Variants in EPB41L4A observed in about 807,000 individuals in gnomAD.
EPB41L4A encodes band 4.1-like protein 4A.
Under a neutral mutation model 108.6 loss-of-function variants are expected in EPB41L4A, and 100 were observed. The observed-to-expected ratio is 0.92, with a 90% confidence interval of 0.78 to 1.09. The LOEUF (loss-of-function observed/expected upper bound fraction) is 1.09, where lower values mean the gene tolerates loss of function less well. EPB41L4A is among the 50% of genes least tolerant of loss of function. The pLI, the probability that EPB41L4A is intolerant of heterozygous loss-of-function variation, is 0.00. For missense variants in EPB41L4A, 1,030 were observed against 842.7 expected, an observed-to-expected ratio of 1.22 and a Z score of -2.75; for synonymous variants, 319 against 289.0, an observed-to-expected ratio of 1.10 and a Z score of -1.05.
chr5:112,212,282 T>G (rs1479044655), intron 12 of EPB41L4A, among the ~76,000 whole-genome samples: 1 of 149,548 alleles, frequency 6.7e-6, no homozygotes, highest in Admixed American at 6.7e-5. Context: ...TGCCCTACCA[T>G]TAGTTGTTTT....
chr5:112,392,897 A>G (rs1343166064), intron 1 of EPB41L4A: 1 of 152,232 alleles, frequency 6.6e-6, no homozygotes, highest in African/African-American at 2.4e-5. Flanking sequence ...TGTCTCTCAG[A>G]CAGCAGTGCA....
chr5:112,274,935 A>G (rs935698469), intron 4 of EPB41L4A, among the ~76,000 whole-genome samples: 2 of 152,254 alleles, frequency 1.3e-5, no homozygotes, highest in Non-Finnish European at 2.9e-5. Flanking sequence ...AGCTACAACC[A>G]ATTAAAAAGA....
chr5:112,146,446 G>C (rs902774772), intron 12 of EPB41L4A, among the ~76,000 whole-genome samples: 1 of 152,146 alleles, frequency 6.6e-6, no homozygotes, highest in Non-Finnish European at 1.5e-5. Flanking sequence ...AGGAGCAGAG[G>C]ATCTTCCAAC....
intron 1 of EPB41L4A, among the ~76,000 whole-genome samples, chr5:112,322,697 G>A (rs1299148128): frequency 1.4e-5 from 2 of 144,690 alleles, no homozygotes; most frequent in Non-Finnish European, 3.0e-5. Flanking sequence ...CATCCACTAT[G>A]AGACACACAC....
intron 9 of EPB41L4A, among the ~76,000 whole-genome samples, chr5:112,243,706 G>A (rs1047818535): frequency 2.0e-5 from 3 of 152,162 alleles, no homozygotes; most frequent in South Asian, 4.1e-4. Context: ...TTATGTTATC[G>A]AGATGGCTAC....
At chr5:112,282,091 G>A (rs1375239328) in intron 2 of EPB41L4A, among the ~76,000 whole-genome samples, 6 of 152,170 alleles carry the variant, frequency 3.9e-5, no homozygotes, top group Non-Finnish European at 5.9e-5. Flanking sequence ...AAAACAGAAA[G>A]TGTATTTGAG....
rs545808705 is a variant in EPB41L4A, at chr5:112,184,037, C to A, written c.1601G>T (p.Arg534Leu). The A allele has an allele frequency of 6.2e-7, 1 of 1,614,016 alleles. No homozygotes were observed. Among genetic ancestry groups the A allele is most frequent in the East Asian group, 2.2e-5 (1 of 44,874 alleles). ...EKNQADPNNR[R>L]SRHRSRSRSP... The stretch of plus-strand genomic sequence containing the variant: ...ATACGAACGAGATCTGTGTCTGGAT[C>A]GCCTGTTGTTGGGGTCGGCTTGGTT... The change falls in exon 18 of 23, where the codon CGA becomes CTA. Residue 534 changes from arginine to leucine, a missense_variant. Physicochemically the swap from Arg to Leu is moderately radical, Grantham distance 102. Transcript: ENST00000261486.
intron 1 of EPB41L4A, among the ~76,000 whole-genome samples, chr5:112,365,977 AAAGCCCTATGCTGGG>A (rs1255176237): frequency 2.0e-5 from 3 of 152,242 alleles, no homozygotes; most frequent in Non-Finnish European, 4.4e-5. Flanking sequence ...AACAACGAAA[AAAGCCCTATGCTGGG>A]AAGAGAGTAA....
At chr5:112,276,961 T>C (rs547922707) in intron 3 of EPB41L4A, among the ~76,000 whole-genome samples, 218 of 152,316 alleles carry the variant, frequency 1.4e-3, no homozygotes, top group African/African-American at 5.1e-3. Context: ...GAATTTCTTA[T>C]TATTGGAGTT....
chr5:112,278,900 C>T (rs971131053), intron 3 of EPB41L4A, among the ~76,000 whole-genome samples: 1 of 117,526 alleles, frequency 8.5e-6, no homozygotes, highest in African/African-American at 3.1e-5. Context: ...ACTAAAAATA[C>T]AAAAAAAAAA....
intron 2 of EPB41L4A, among the ~76,000 whole-genome samples, chr5:112,285,872 T>A (rs1467462252): frequency 6.6e-6 from 1 of 152,104 alleles, no homozygotes; most frequent in East Asian, 1.9e-4. Context: ...TCTTAATAAC[T>A]CTAGGAAGAA....
At chr5:112,261,384 A>C (rs1751471280) in intron 7 of EPB41L4A, among the ~76,000 whole-genome samples, 1 of 152,240 alleles carries the variant, frequency 6.6e-6, no homozygotes, top group Non-Finnish European at 1.5e-5. Context: ...TTAAAAACTG[A>C]GTTCCATAAT....
chr5:112,244,355 T>C (rs367819647), intron 9 of EPB41L4A, among the ~76,000 whole-genome samples: 13 of 152,310 alleles, frequency 8.5e-5, no homozygotes, highest in East Asian at 1.9e-4. Flanking sequence ...CAGATCACTA[T>C]TGAAGTGGCT....
intron 15 of EPB41L4A, among the ~76,000 whole-genome samples, chr5:112,197,752 C>T (rs528482561): frequency 1.3e-5 from 2 of 152,266 alleles, no homozygotes; most frequent in African/African-American, 2.4e-5. Context: ...TACCATGATC[C>T]AAGGAACTCC....
At position 112,344,483 on chromosome 5, in the gene EPB41L4A, G is replaced by C. The variant is rs550276442; in HGVS notation, c.100-36993C>G. Among the ~76,000 whole-genome samples the C allele has an allele frequency of 8.2e-4, 125 of 152,330 alleles. 2 individuals are homozygous for C. In the Middle Eastern group the frequency reaches 0.034, roughly 41 times the overall value. On this transcript the variant is annotated intron_variant, in intron 1 of 22. Coordinates refer to ENST00000261486, the MANE Select transcript of EPB41L4A (RefSeq NM_022140.5). The stretch of plus-strand genomic sequence containing the variant: ...ACATGGGGGTTCACTGACCAACTCT[G>C]ATAACAGTTTTAAGTGAACTTGGTT...
At chr5:112,294,306 T>C (rs1753854041) in intron 2 of EPB41L4A, among the ~76,000 whole-genome samples, 1 of 152,194 alleles carries the variant, frequency 6.6e-6, no homozygotes, top group Non-Finnish European at 1.5e-5. Context: ...GGTGTGGGAA[T>C]GCTCTTGTCA....
rs576747524 is a variant in EPB41L4A, at chr5:112,248,053, C to G, written c.796-7243G>C. Among the ~76,000 whole-genome samples, 31 of 152,278 alleles carry G rather than the reference C, an allele frequency of 2.0e-4. 1 individual carries two copies. The highest frequency in any genetic ancestry group is 5.9e-4 in the Admixed American group (9 of 15,292). ...GCTTCCTAATTATTTCTGCCAAGTA[C>G]AAATGACAAGTATGAACTCACTCTC... On this transcript the variant is annotated intron_variant, in intron 9 of 22. Coordinates refer to ENST00000261486, the MANE Select transcript of EPB41L4A (RefSeq NM_022140.5).
At chr5:112,145,801 C>T (rs1759229616) in intron 13 of EPB41L4A, 1 of 409,950 alleles carries the variant, frequency 2.4e-6, no homozygotes. Context: ...CCAAGAACAA[C>T]CCTAGACACA....
intron 12 of EPB41L4A, among the ~76,000 whole-genome samples, chr5:112,231,229 T>C (rs1211046806): frequency 6.6e-6 from 1 of 152,198 alleles, no homozygotes; most frequent in African/African-American, 2.4e-5. Context: ...TAAAATGGCA[T>C]TGTTTAGGAA....
Sources: gnomAD v4.1 joint callset for allele counts (sites outside exome capture counted in the v4.1 genomes callset) on GRCh38, gnomAD v4.1.1 for gene constraint, MANE v1.5 for transcripts, NCBI Gene and HGNC (gene_info 2026-07-23, HGNC 2026-07-21) for gene names.